SRD5A2: variants seen among roughly 807,000 people sequenced by gnomAD.
The protein encoded by SRD5A2 is steroid 5 alpha-reductase 2.
SRD5A2 carries 30 observed loss-of-function variants against 27.4 expected under a neutral mutation model. The observed-to-expected ratio is 1.10, with a 90% CI of 0.82 to 1.49. The LOEUF (loss-of-function observed/expected upper bound fraction) is 1.49. SRD5A2 is among the 40% of genes most tolerant of loss of function. The pLI, the probability that SRD5A2 is intolerant of heterozygous loss-of-function variation, is 0.00. For synonymous variants in SRD5A2, 141 were observed against 133.6 expected, an observed-to-expected ratio of 1.06 and a Z score of -0.38; for missense variants, 348 against 323.4, an observed-to-expected ratio of 1.08 and a Z score of -0.58.
chr2:31,591,756 C>T, the SRD5A2 span, among the ~76,000 whole-genome samples: 2 of 59,700 alleles, frequency 3.4e-5, no homozygotes, highest in Admixed American at 3.8e-4. Flanking sequence ...AACTACGCGC[C>T]ATNAAAAATG....
At chr2:31,529,822 C>T (rs1346548379) in intron 3 of SRD5A2, among the ~76,000 whole-genome samples, 1 of 152,168 alleles carries the variant, frequency 6.6e-6, no homozygotes, top group African/African-American at 2.4e-5. Context: ...TACCTCCCCG[C>T]TCCTTTCCTG....
rs74702388 is a variant in SRD5A2, at chr2:31,525,043, TA to T, written c.*1152del. 6.4e-3 allele frequency: 1,230 copies of T among 191,082 alleles called. No homozygotes were observed. Among genetic ancestry groups the T allele is most frequent in the Middle Eastern group, 0.012 (7 of 596 alleles). 11.8% of individuals were successfully genotyped at this position (191,082 alleles called of 1,614,324 possible). The stretch of plus-strand genomic sequence containing the variant: ...TGATTTTTAAGTTTTTGAAACTTTG[TA>T]AAAAAAAAAAAAACTATATGTCTGA... On this transcript the variant is annotated 3_prime_UTR_variant, in exon 5 of 5. Transcript: ENST00000622030.
At chr2:31,531,566 A>ATTTAATTCCAAAAAATGAAGGGAAGGGCC in intron 2 of SRD5A2, 94 bp from the exon 3 acceptor site, 1 of 807,896 alleles carries the variant, frequency 1.2e-6, no homozygotes, top group Non-Finnish European at 2.0e-6. Flanking sequence ...AAGGAGGGGC[A>ATTTAATTCCAAAAAATGAAGGGAAGGGCC]TTTAATTTCT....
chr2:31,662,065 T>G, the SRD5A2 span, among the ~76,000 whole-genome samples: 1 of 152,178 alleles, frequency 6.6e-6, no homozygotes, highest in Non-Finnish European at 1.5e-5. Flanking sequence ...TTAACATTTT[T>G]CCCACAGATT....
intron 1 of SRD5A2, among the ~76,000 whole-genome samples, chr2:31,545,425 A>G (rs1324049834): frequency 6.6e-6 from 1 of 152,152 alleles, no homozygotes; most frequent in Non-Finnish European, 1.5e-5. Context: ...AACTCAAAAT[A>G]CAAAAATCAA....
intron 1 of SRD5A2, among the ~76,000 whole-genome samples, chr2:31,560,066 C>G (rs531598076): frequency 4.8e-4 from 68 of 141,608 alleles, no homozygotes; most frequent in East Asian, 1.7e-3. Flanking sequence ...CCCCCCCCCC[C>G]CCTTTTTTTA....
chr2:31,638,218 C>G, the SRD5A2 span, among the ~76,000 whole-genome samples: 1 of 151,714 alleles, frequency 6.6e-6, no homozygotes, highest in African/African-American at 2.4e-5. Flanking sequence ...TGTTTGATAT[C>G]CATTTGTTTG....
the SRD5A2 span, among the ~76,000 whole-genome samples, chr2:31,606,497 T>G: frequency 1.3e-4 from 19 of 151,892 alleles, no homozygotes; most frequent in African/African-American, 4.3e-4. Context: ...AACATGAAAC[T>G]TCCTTGTTCT....
chr2:31,568,421 C>G (rs1218588583), intron 1 of SRD5A2, among the ~76,000 whole-genome samples: 1 of 152,214 alleles, frequency 6.6e-6, no homozygotes, highest in Admixed American at 6.5e-5. Flanking sequence ...GACAGAGAGG[C>G]TCTCGGGAGA....
chr2:31,610,025 T>C, the SRD5A2 span, among the ~76,000 whole-genome samples: 1 of 152,034 alleles, frequency 6.6e-6, no homozygotes, highest in South Asian at 2.1e-4. Context: ...GAATCAATAA[T>C]AAAAATGTTC....
At chr2:31,601,808 AAC>A in the SRD5A2 span, among the ~76,000 whole-genome samples, 1 of 151,702 alleles carries the variant, frequency 6.6e-6, no homozygotes, top group Admixed American at 6.6e-5. Flanking sequence ...AAAGACAAAA[AAC>A]ACAATTATTT....
the SRD5A2 span, among the ~76,000 whole-genome samples, chr2:31,623,569 T>C: frequency 6.6e-6 from 1 of 152,054 alleles, no homozygotes; most frequent in South Asian, 2.1e-4. Context: ...TTTCTCATCC[T>C]TGTGGGTTTA....
intron 1 of SRD5A2, among the ~76,000 whole-genome samples, chr2:31,579,150 G>A (rs1303603824): frequency 6.6e-6 from 1 of 152,192 alleles, no homozygotes; most frequent in Non-Finnish European, 1.5e-5. Flanking sequence ...GTAAATATTT[G>A]TTGAAAGGAT....
intron 1 of SRD5A2, among the ~76,000 whole-genome samples, chr2:31,549,111 T>TATTATG (rs1410747800): frequency 4.1e-5 from 6 of 146,376 alleles, no homozygotes; most frequent in African/African-American, 9.9e-5. Context: ...TTATTATTAT[T>TATTATG]ATTATTATTA....
chr2:31,591,396 C>T, the SRD5A2 span, among the ~76,000 whole-genome samples: 13 of 152,188 alleles, frequency 8.5e-5, no homozygotes, highest in Non-Finnish European at 1.9e-4. Flanking sequence ...GATACCATCT[C>T]ACGCCAGTTA....
At chr2:31,640,174 G>A in the SRD5A2 span, among the ~76,000 whole-genome samples, 836 of 150,328 alleles carry the variant, frequency 5.6e-3, 8 homozygotes, top group African/African-American at 0.02. Context: ...GCATTTCTCA[G>A]TTCTCAGCTG....
chr2:31,547,402 G>A (rs1666283965), intron 1 of SRD5A2, among the ~76,000 whole-genome samples: 1 of 152,184 alleles, frequency 6.6e-6, no homozygotes, highest in African/African-American at 2.4e-5. Flanking sequence ...AGGTGCATCT[G>A]TGAGGGTGTT....
chr2:31,592,918 T>C, the SRD5A2 span, among the ~76,000 whole-genome samples: 3 of 152,312 alleles, frequency 2.0e-5, no homozygotes, highest in Admixed American at 1.3e-4. Flanking sequence ...TGAAAACCAA[T>C]TTAATGCAGC....
At chr2:31,650,577 A>G in the SRD5A2 span, among the ~76,000 whole-genome samples, 1 of 152,170 alleles carries the variant, frequency 6.6e-6, no homozygotes, top group Non-Finnish European at 1.5e-5. Context: ...CAAGTAGTAA[A>G]CCATCACCCT....
Sources: gnomAD v4.1 joint callset for allele counts (sites outside exome capture counted in the v4.1 genomes callset) on GRCh38, gnomAD v4.1.1 for gene constraint, MANE v1.5 for transcripts, NCBI Gene and HGNC (gene_info 2026-07-23, HGNC 2026-07-21) for gene names.